Variants in SGCD observed in about 807,000 individuals in gnomAD.
SGCD encodes the protein delta-sarcoglycan.
SGCD carries 18 observed loss-of-function variants against 36.6 expected under a neutral mutation model. The ratio of observed to expected loss-of-function variants is 0.49; its 90% CI spans 0.34 to 0.73. SGCD has a LOEUF of 0.73. Among genes scored for constraint, SGCD ranks in the 30% least tolerant of loss-of-function variants. SGCD has a pLI of 0.01. For missense variants in SGCD, 387 were observed against 346.7 expected (o/e 1.12, Z -0.92); for synonymous variants, 133 against 130.6 (o/e 1.02, Z -0.12).
intron 7 of SGCD, among the ~76,000 whole-genome samples, chr5:156,740,373 T>C (rs1468571467): frequency 6.6e-6 from 1 of 152,258 alleles, no homozygotes; most frequent in Non-Finnish European, 1.5e-5. Flanking sequence ...CAACGAGTGC[T>C]AATGAACTTC....
chr5:155,830,520 A>G, the SGCD span, among the ~76,000 whole-genome samples: 1 of 152,230 alleles, frequency 6.6e-6, no homozygotes, highest in Non-Finnish European at 1.5e-5. Flanking sequence ...AACAGCCAAT[A>G]AATTGAACCA....
intron 6 of SGCD, among the ~76,000 whole-genome samples, 162 bp from the exon 7 acceptor site, chr5:156,647,302 T>C (rs1298004473): frequency 6.6e-6 from 1 of 152,196 alleles, no homozygotes; most frequent in Non-Finnish European, 1.5e-5. Flanking sequence ...CATGAGTGAT[T>C]CAATGCTTTC....
the SGCD span, among the ~76,000 whole-genome samples, chr5:155,738,822 A>AGT: frequency 2.1e-5 from 3 of 140,830 alleles, no homozygotes; most frequent in Non-Finnish European, 4.6e-5. Context: ...AGTGTGTGAG[A>AGT]GTGTGTGTGA....
At chr5:155,987,071 A>G (rs1469609737) in intron 1 of SGCD, among the ~76,000 whole-genome samples, 1 of 152,224 alleles carries the variant, frequency 6.6e-6, no homozygotes, top group Non-Finnish European at 1.5e-5. Context: ...CTTTGCACTG[A>G]TGTCATAGGA....
intron 3 of SGCD, among the ~76,000 whole-genome samples, chr5:156,463,945 G>T (rs1754609118): frequency 6.6e-6 from 1 of 152,168 alleles, no homozygotes; most frequent in East Asian, 1.9e-4. Flanking sequence ...AACAGAGCAA[G>T]ACCCTGTCTT....
chr5:156,332,847 A>G (rs1315992413), intron 2 of SGCD, among the ~76,000 whole-genome samples: 1 of 152,216 alleles, frequency 6.6e-6, no homozygotes, highest in Non-Finnish European at 1.5e-5. Flanking sequence ...GGGTGATAGA[A>G]ATGTTCCCTC....
chr5:156,680,632 T>G (rs1206395700), intron 7 of SGCD, among the ~76,000 whole-genome samples: 3 of 152,140 alleles, frequency 2.0e-5, no homozygotes, highest in Non-Finnish European at 4.4e-5. Context: ...CAAGCTATGG[T>G]CCCACCTCAG....
chr5:156,097,772 G>A (rs1215240485), intron 1 of SGCD, among the ~76,000 whole-genome samples: 1 of 152,148 alleles, frequency 6.6e-6, no homozygotes. Context: ...TTGGTATGAT[G>A]AGTAATTTTG....
At chr5:155,746,907 G>A in the SGCD span, among the ~76,000 whole-genome samples, 3 of 152,262 alleles carry the variant, frequency 2.0e-5, no homozygotes, top group East Asian at 5.8e-4. Context: ...TGCAGAGTCA[G>A]CAATTACTGG....
chr5:155,787,281 T>C, the SGCD span, among the ~76,000 whole-genome samples: 2,936 of 152,262 alleles, frequency 0.019, 44 homozygotes, highest in Middle Eastern at 0.041. Flanking sequence ...CAAGGGACTA[T>C]ACAATTTTAT....
At chr5:156,272,492 T>C (rs1766207359) in intron 3 of SGCD, among the ~76,000 whole-genome samples, 1 of 152,194 alleles carries the variant, frequency 6.6e-6, no homozygotes. Flanking sequence ...TGTGTGTGCA[T>C]ATGTCTTTTT....
At chr5:156,095,281 G>A (rs1052572264) in intron 1 of SGCD, among the ~76,000 whole-genome samples, 1 of 152,184 alleles carries the variant, frequency 6.6e-6, no homozygotes, top group African/African-American at 2.4e-5. Flanking sequence ...TCCACGTGCA[G>A]GGGAGGGGAG....
chr5:156,095,193 G>C (rs1761345599), intron 1 of SGCD, among the ~76,000 whole-genome samples: 1 of 152,104 alleles, frequency 6.6e-6, no homozygotes, highest in Non-Finnish European at 1.5e-5. Flanking sequence ...GTAAAATAAT[G>C]TTGTTTGCAA....
chr5:156,150,949 C>G (rs1762819090), intron 3 of SGCD, among the ~76,000 whole-genome samples: 1 of 151,420 alleles, frequency 6.6e-6, no homozygotes, highest in South Asian at 2.1e-4. Flanking sequence ...TTCAAGGGCT[C>G]TTAAGATGAC....
intron 2 of SGCD, among the ~76,000 whole-genome samples, chr5:156,120,987 A>G (rs1762024087): frequency 6.6e-6 from 1 of 152,110 alleles, no homozygotes; most frequent in Admixed American, 6.6e-5. Flanking sequence ...AGCAGACAAT[A>G]AATGAATCAG....
At chr5:156,121,448 C>T (rs934027267) in intron 2 of SGCD, among the ~76,000 whole-genome samples, 4 of 152,130 alleles carry the variant, frequency 2.6e-5, no homozygotes, top group East Asian at 3.9e-4. Flanking sequence ...GAACCTGAAC[C>T]GCAGTAGTAA....
At chr5:156,541,334 A>G (rs1394270021) in intron 4 of SGCD, among the ~76,000 whole-genome samples, 2 of 152,136 alleles carry the variant, frequency 1.3e-5, no homozygotes, top group Non-Finnish European at 2.9e-5. Context: ...ATTGTGGCTG[A>G]TGTGTAAAAC....
intron 1 of SGCD, among the ~76,000 whole-genome samples, chr5:155,872,189 G>A (rs1353482311): frequency 6.6e-6 from 1 of 152,162 alleles, no homozygotes; most frequent in Non-Finnish European, 1.5e-5. Flanking sequence ...CCTTTCCTAG[G>A]TGAGTAATGC....
chr5:156,444,062 CCTTCT>C (rs1561699062), intron 3 of SGCD, among the ~76,000 whole-genome samples: 1 of 124,696 alleles, frequency 8.0e-6, no homozygotes. Context: ...CTCTTTCTCT[CCTTCT>C]CTCTCTCTCT....
Sources: allele counts gnomAD v4.1 joint callset (sites outside exome capture counted in the v4.1 genomes callset), GRCh38; gene constraint gnomAD v4.1.1; transcripts MANE v1.5; gene names NCBI Gene and HGNC (gene_info 2026-07-23, HGNC 2026-07-21).